The following IL1RAP variants were observed in gnomAD, a reference collection of about 807,000 sequenced individuals.
IL1RAP encodes interleukin-1 receptor accessory protein.
IL1RAP carries 35 observed loss-of-function variants against 60.7 expected under a neutral mutation model. The ratio of observed to expected loss-of-function variants is 0.58; its 90% CI spans 0.44 to 0.76. IL1RAP has a LOEUF of 0.76. Ranked by LOEUF, IL1RAP falls within the 30% of genes least tolerant of loss-of-function variation. IL1RAP has a pLI of 0.00. For missense variants in IL1RAP, 572 were observed against 693.9 expected (o/e 0.82, Z 1.97); for synonymous variants, 268 against 250.9 (o/e 1.07, Z -0.64).
chr3:190,550,426 T>C (rs560960675), intron 1 of IL1RAP: 2 of 152,350 alleles, frequency 1.3e-5, no homozygotes, highest in African/African-American at 4.8e-5. Flanking sequence ...ATAAGCCAAA[T>C]GCTGAGGTAA....
At chr3:190,565,325 G>A (rs948112383) in intron 3 of IL1RAP, among the ~76,000 whole-genome samples, 2 of 152,126 alleles carry the variant, frequency 1.3e-5, no homozygotes, top group African/African-American at 4.8e-5. Flanking sequence ...ACATATCGTT[G>A]CTTTAATTCC....
intron 5 of IL1RAP, among the ~76,000 whole-genome samples, chr3:190,614,802 T>C (rs938740851): frequency 2.0e-5 from 3 of 152,238 alleles, no homozygotes; most frequent in East Asian, 3.9e-4. Context: ...CTAGAACTGA[T>C]GTAAGGAGGG....
rs759203506 is a variant in IL1RAP at position 190,604,118 on chromosome 3, A to T, written c.65-10A>T. 1 of 1,603,134 alleles carries T rather than the reference A, an allele frequency of 6.2e-7. No homozygotes were observed. The highest frequency in any genetic ancestry group is 1.7e-5 in the Admixed American group (1 of 57,246). ...CATCTGCCCCTTTCTTTCTTTTTTG[A>T]TTATTCCAGAACGCTGCGATGACTG... On this transcript the variant is annotated splice_polypyrimidine_tract_variant and intron_variant, in intron 3 of 11. Coordinates refer to ENST00000447382, the MANE Select transcript of IL1RAP (RefSeq NM_002182.4).
At chr3:190,521,026 G>A (rs948287492) in intron 1 of IL1RAP, among the ~76,000 whole-genome samples, 4 of 152,114 alleles carry the variant, frequency 2.6e-5, no homozygotes, top group Non-Finnish European at 5.9e-5. Flanking sequence ...TTATTTTTAT[G>A]ATCTGTAAAA....
In IL1RAP at chr3:190,648,603, G is replaced by A. The variant is rs1263203821; in HGVS notation, c.1611G>A (p.Arg537=). The A allele has an allele frequency of 3.1e-6, 5 of 1,614,064 alleles. No individual in the cohort carries two copies. In the Admixed American group the frequency reaches 6.7e-5, roughly 22 times the overall value. Residue 537 remains arginine (R), a synonymous_variant, in exon 12 of 12, where the codon AGG becomes AGA. Coordinates refer to ENST00000447382, the MANE Select transcript of IL1RAP (RefSeq NM_002182.4). ...KGEKSKYPQG[R]FWKQLQVAMP... The stretch of plus-strand genomic sequence containing the variant: ...AAAAATCCAAGTATCCACAGGGCAG[G>A]TTCTGGAAGCAGCTGCAGGTGGCCA...
At chr3:190,645,886 A>T in intron 11 of IL1RAP, 44 bp downstream of exon 11, 2 of 1,546,918 alleles carry the variant, frequency 1.3e-6, no homozygotes, top group African/African-American at 2.7e-5. Context: ...CTTGAAAGGC[A>T]GACAGAATCA....
chr3:190,570,258 A>G (rs778449201), intron 3 of IL1RAP, among the ~76,000 whole-genome samples: 1 of 152,212 alleles, frequency 6.6e-6, no homozygotes, highest in East Asian at 1.9e-4. Context: ...CTGATGTACA[A>G]AATTTTCTGG....
chr3:190,564,427 A>G (rs1265706142), intron 3 of IL1RAP, 74 bp downstream of exon 3: 1 of 904,006 alleles, frequency 1.1e-6, no homozygotes, highest in African/African-American at 1.6e-5. Flanking sequence ...CTTCCTGAAA[A>G]TGAATTTAAA....
chr3:190,563,092 A>G (rs1726056331), intron 2 of IL1RAP, among the ~76,000 whole-genome samples: 1 of 152,122 alleles, frequency 6.6e-6, no homozygotes, highest in Non-Finnish European at 1.5e-5. Context: ...TGTGTAGTTT[A>G]TATCTTTTGT....
At chr3:190,529,303 C>A (rs2108530231) in intron 1 of IL1RAP, among the ~76,000 whole-genome samples, 1 of 151,898 alleles carries the variant, frequency 6.6e-6, no homozygotes, top group East Asian at 1.9e-4. Context: ...TTTGGGAGGG[C>A]CGAGGCAGGT....
chr3:190,523,929 T>C (rs193010341), intron 1 of IL1RAP, among the ~76,000 whole-genome samples: 1 of 152,320 alleles, frequency 6.6e-6, no homozygotes, highest in East Asian at 1.9e-4. Context: ...TGTAGGTCTT[T>C]GAGGAATTGC....
At chr3:190,535,236 T>C (rs1723352788) in intron 1 of IL1RAP, among the ~76,000 whole-genome samples, 1 of 152,202 alleles carries the variant, frequency 6.6e-6, no homozygotes. Flanking sequence ...TCAAGTCTCC[T>C]GCCTGCTTGT....
intron 4 of IL1RAP, among the ~76,000 whole-genome samples, chr3:190,608,389 A>G (rs143340834): frequency 7.9e-5 from 12 of 152,296 alleles, no homozygotes; most frequent in Admixed American, 2.0e-4. Flanking sequence ...CAGTTAACAT[A>G]CAATATAAAA....
chr3:190,522,321 CCTTCCTTCCTTCCTTCCTT>C (rs1244546940), intron 1 of IL1RAP, among the ~76,000 whole-genome samples: 18 of 150,090 alleles, frequency 1.2e-4, no homozygotes, highest in African/African-American at 3.7e-4. Flanking sequence ...TTCCTTCCTT[CCTTCCTTCCTTCCTTCCTT>C]CCTCCCTCCC....
chr3:190,517,357 G>A (rs933020509), intron 1 of IL1RAP, among the ~76,000 whole-genome samples: 6 of 152,292 alleles, frequency 3.9e-5, no homozygotes, highest in Admixed American at 2.0e-4. Flanking sequence ...AACAACAAAT[G>A]TTATGAGTGT....
At chr3:190,614,304 G>A (rs3796293) in intron 5 of IL1RAP, among the ~76,000 whole-genome samples, 93,181 of 151,020 alleles carry the variant, frequency 0.62, 30,143 homozygotes, top group East Asian at 0.81. Context: ...TTGCTTTCCC[G>A]TTATCTGAAA....
At chr3:190,570,672 T>A (rs1265157554) in intron 3 of IL1RAP, among the ~76,000 whole-genome samples, 1 of 152,138 alleles carries the variant, frequency 6.6e-6, no homozygotes, top group Non-Finnish European at 1.5e-5. Flanking sequence ...TTCAAGTGAT[T>A]CTCCTGCCTC....
At chr3:190,655,960 G>T, downstream of IL1RAP, 1 of 1,537,290 alleles carries the variant, frequency 6.5e-7, no homozygotes, top group South Asian at 1.2e-5. Flanking sequence ...CCCTGACTAT[G>T]TGACAGAAAA....
At chr3:190,536,640 A>T (rs1032857534) in intron 1 of IL1RAP, among the ~76,000 whole-genome samples, 1 of 152,212 alleles carries the variant, frequency 6.6e-6, no homozygotes. Context: ...GGTTAAATAC[A>T]CTATCATAAG....
Sources: allele counts gnomAD v4.1 joint callset (sites outside exome capture counted in the v4.1 genomes callset), GRCh38; gene constraint gnomAD v4.1.1; transcripts MANE v1.5; gene names NCBI Gene and HGNC (gene_info 2026-07-23, HGNC 2026-07-21).